Variants in MACROD2 observed in about 807,000 individuals in gnomAD.
MACROD2 encodes mono-ADP ribosylhydrolase 2.
A neutral mutation model predicts 70.4 loss-of-function variants in MACROD2; 36 were observed. That is an observed-to-expected ratio of 0.51 (90% confidence interval 0.39 to 0.68). The LOEUF (loss-of-function observed/expected upper bound fraction) is 0.68, where lower values mean the gene tolerates loss of function less well. MACROD2 is among the 30% of genes least tolerant of loss of function. MACROD2 has a pLI of 0.00. For missense variants in MACROD2, 496 were observed against 538.4 expected (o/e 0.92, Z 0.78); for synonymous variants, 172 against 178.8 (o/e 0.96, Z 0.30).
chr20:14,937,807 C>T (rs139157906), intron 5 of MACROD2, among the ~76,000 whole-genome samples: 7 of 152,064 alleles, frequency 4.6e-5, no homozygotes, highest in Admixed American at 3.9e-4. Flanking sequence ...TATATTTGTA[C>T]CCATTAATCA....
At chr20:15,620,527 AAT>A (rs1217720760) in intron 8 of MACROD2, among the ~76,000 whole-genome samples, 1 of 152,208 alleles carries the variant, frequency 6.6e-6, no homozygotes, top group Non-Finnish European at 1.5e-5. Flanking sequence ...CTGAGATAAC[AAT>A]ATGTCAGCTA....
At chr20:15,341,182 A>G (rs1159508275) in intron 6 of MACROD2, among the ~76,000 whole-genome samples, 1 of 152,232 alleles carries the variant, frequency 6.6e-6, no homozygotes, top group African/African-American at 2.4e-5. Flanking sequence ...TCTTTGGTAC[A>G]TAAAACGGTT....
chr20:14,731,413 G>A (rs2071595811), intron 5 of MACROD2, among the ~76,000 whole-genome samples: 1 of 152,140 alleles, frequency 6.6e-6, no homozygotes, highest in African/African-American at 2.4e-5. Context: ...AGACCAGGAA[G>A]CCCTTCCAAC....
At chr20:15,530,984 G>GA (rs1193587267) in intron 8 of MACROD2, among the ~76,000 whole-genome samples, 3 of 140,076 alleles carry the variant, frequency 2.1e-5, no homozygotes, top group Non-Finnish European at 4.5e-5. Flanking sequence ...TATTTAAGTT[G>GA]AAAAAAATAA....
intron 8 of MACROD2, among the ~76,000 whole-genome samples, chr20:15,586,745 T>C (rs2048607707): frequency 1.3e-5 from 2 of 152,220 alleles, no homozygotes; most frequent in Admixed American, 6.5e-5. Flanking sequence ...TTCAATAACT[T>C]GGCTGTGTAC....
At chr20:14,285,808 TC>T (rs1361292759) in intron 3 of MACROD2, among the ~76,000 whole-genome samples, 4 of 152,156 alleles carry the variant, frequency 2.6e-5, no homozygotes, top group South Asian at 4.2e-4. Flanking sequence ...ATTCAGTCCC[TC>T]TCCCACAACT....
intron 8 of MACROD2, among the ~76,000 whole-genome samples, chr20:15,609,017 G>A (rs1413030284): frequency 6.6e-6 from 1 of 151,936 alleles, no homozygotes; most frequent in Non-Finnish European, 1.5e-5. Flanking sequence ...CCCAATTCTT[G>A]TGGGATGATG....
In MACROD2 at chr20:14,645,637, T is replaced by C. The variant is rs540841413; in HGVS notation, c.302-39206T>C. Among the ~76,000 whole-genome samples the C allele has an allele frequency of 9.9e-5, 15 of 152,186 alleles. 1 individual carries two copies. Among genetic ancestry groups the C allele is most frequent in the African/African-American group, 3.6e-4 (15 of 41,562 alleles). On this transcript the variant is annotated intron_variant, in intron 4 of 17. Coordinates refer to ENST00000684519, the MANE Select transcript of MACROD2 (RefSeq NM_001351661.2). ...TTCCGTGTGTAAGATTTCTAGAGCA[T>C]CGCCATAATGTAGCACTTTGGTTTG...
chr20:15,481,157 A>G (rs1046644276), intron 7 of MACROD2, among the ~76,000 whole-genome samples: 1 of 152,210 alleles, frequency 6.6e-6, no homozygotes, highest in Non-Finnish European at 1.5e-5. Flanking sequence ...TTTCGCTAGC[A>G]TGCTATTCAA....
intron 5 of MACROD2, among the ~76,000 whole-genome samples, chr20:15,136,281 T>G (rs2123291637): frequency 6.9e-6 from 1 of 145,616 alleles, no homozygotes; most frequent in Non-Finnish European, 1.5e-5. Flanking sequence ...AGAACAAAGC[T>G]GGAGGCATCA....
intron 5 of MACROD2, among the ~76,000 whole-genome samples, chr20:15,018,555 G>A (rs1203679665): frequency 1.3e-5 from 2 of 151,960 alleles, no homozygotes; most frequent in Admixed American, 6.6e-5. Context: ...CCAATTTACT[G>A]GATTAGTCAG....
intron 8 of MACROD2, among the ~76,000 whole-genome samples, chr20:15,503,617 G>T (rs1280709560): frequency 6.6e-6 from 1 of 152,212 alleles, no homozygotes; most frequent in Non-Finnish European, 1.5e-5. Context: ...AACCAAGGTA[G>T]CTCATTTTCA....
chr20:14,833,884 T>C (rs2072999353), intron 5 of MACROD2, among the ~76,000 whole-genome samples: 2 of 152,096 alleles, frequency 1.3e-5, no homozygotes, highest in Admixed American at 1.3e-4. Context: ...ATAAAAATAG[T>C]ATAACAAAAA....
intron 5 of MACROD2, among the ~76,000 whole-genome samples, chr20:15,097,271 T>C (rs969714818): frequency 6.6e-6 from 1 of 152,214 alleles, no homozygotes; most frequent in Non-Finnish European, 1.5e-5. Flanking sequence ...GTATTTTGCA[T>C]TGTACTATTT....
chr20:14,905,372 A>T (rs534681068), intron 5 of MACROD2: 27 of 152,270 alleles, frequency 1.8e-4, no homozygotes, highest in African/African-American at 6.5e-4. Context: ...CAAAGGGATT[A>T]CTATGAAGTC....
At chr20:14,817,184 A>T (rs558652071) in intron 5 of MACROD2, among the ~76,000 whole-genome samples, 1 of 152,226 alleles carries the variant, frequency 6.6e-6, no homozygotes, top group Admixed American at 6.5e-5. Flanking sequence ...TATCCAATGT[A>T]CTTGTTGCTA....
chr20:14,825,058 A>C (rs2072886401), intron 5 of MACROD2, among the ~76,000 whole-genome samples: 1 of 152,102 alleles, frequency 6.6e-6, no homozygotes, highest in Admixed American at 6.6e-5. Flanking sequence ...TGCACTTTGC[A>C]GGGCCTCCAG....
intron 4 of MACROD2, among the ~76,000 whole-genome samples, chr20:14,504,195 G>C (rs1388889699): frequency 6.6e-6 from 1 of 152,210 alleles, no homozygotes; most frequent in Non-Finnish European, 1.5e-5. Context: ...CTAGCTGTTG[G>C]ACAGATGGCT....
At chr20:15,589,603 A>T (rs898474564) in intron 8 of MACROD2, among the ~76,000 whole-genome samples, 1 of 152,214 alleles carries the variant, frequency 6.6e-6, no homozygotes, top group Non-Finnish European at 1.5e-5. Context: ...TTGGACAAAC[A>T]TCTAATGACA....
Sources: allele counts gnomAD v4.1 joint callset (sites outside exome capture counted in the v4.1 genomes callset), GRCh38; gene constraint gnomAD v4.1.1; transcripts MANE v1.5; gene names NCBI Gene and HGNC (gene_info 2026-07-23, HGNC 2026-07-21).